TAOK1: variants seen among roughly 807,000 people sequenced by gnomAD.
TAOK1 encodes TAO kinase 1, also known as serine/threonine-protein kinase TAO1.
In TAOK1, 21 loss-of-function variants were observed where a neutral mutation model predicts 138.3. The ratio of observed to expected loss-of-function variants is 0.15; its 90% CI spans 0.11 to 0.22. TAOK1 has a LOEUF of 0.22. TAOK1 is among the 10% of genes least tolerant of loss of function. TAOK1 has a pLI of 1.00. For missense variants in TAOK1, 651 were observed against 1,227.7 expected (o/e 0.53, Z 7.02); for synonymous variants, 361 against 398.4 (o/e 0.91, Z 1.12).
At chr17:29,434,723 G>A (rs1028712275) in intron 1 of TAOK1, among the ~76,000 whole-genome samples, 5 of 152,168 alleles carry the variant, frequency 3.3e-5, no homozygotes, top group Non-Finnish European at 7.4e-5. Flanking sequence ...GAAACAGGAA[G>A]CTTGGAGTTG....
rs139686543 is a variant in TAOK1 at position 29,503,657 on chromosome 17, A to G, written c.1338+934A>G. ...TACAACGAAATTACATTAAGATACC[A>G]TAAGAAAAGTAGGCTATTAGAAAAC... On this transcript the variant is annotated intron_variant, in intron 13 of 19. Transcript: ENST00000261716. Among the ~76,000 whole-genome samples, 290 of 152,274 alleles carry G rather than the reference A, an allele frequency of 1.9e-3. 1 individual carries two copies. The highest frequency in any genetic ancestry group is 6.4e-3 in the African/African-American group (265 of 41,550).
intron 1 of TAOK1, among the ~76,000 whole-genome samples, chr17:29,447,887 C>T (rs1005654954): frequency 1.3e-5 from 2 of 150,000 alleles, no homozygotes; most frequent in Admixed American, 6.7e-5. Flanking sequence ...AACTTCTGAC[C>T]TCAGGTGACC....
intron 1 of TAOK1, among the ~76,000 whole-genome samples, chr17:29,405,851 A>G (rs7213208): frequency 0.42 from 64,266 of 152,036 alleles, 14,744 homozygotes; most frequent in East Asian, 0.88. Context: ...CAGCAATGAC[A>G]TACGTATTTC....
chr17:29,482,132 A>G, intron 7 of TAOK1, 65 bp from the exon 8 acceptor site: 1 of 1,194,396 alleles, frequency 8.4e-7, no homozygotes, highest in Middle Eastern at 2.7e-4. Context: ...GATGACTGTT[A>G]CATTCTCAAA....
At chr17:29,436,211 A>G (rs1906026151) in intron 1 of TAOK1, among the ~76,000 whole-genome samples, 1 of 152,224 alleles carries the variant, frequency 6.6e-6, no homozygotes, top group Admixed American at 6.6e-5. Context: ...TTCAAATTTT[A>G]GAGGCACCAG....
At chr17:29,421,608 T>G (rs1235971266) in intron 1 of TAOK1, among the ~76,000 whole-genome samples, 1 of 152,158 alleles carries the variant, frequency 6.6e-6, no homozygotes, top group Non-Finnish European at 1.5e-5. Context: ...GTAAGTTAGG[T>G]TATCTTTTTT....
At chr17:29,462,369 ATAG>A (rs1368396671) in intron 2 of TAOK1, among the ~76,000 whole-genome samples, 1 of 152,222 alleles carries the variant, frequency 6.6e-6, no homozygotes, top group Non-Finnish European at 1.5e-5. Context: ...AACACCTTAA[ATAG>A]AACCAATGTG....
intron 2 of TAOK1, among the ~76,000 whole-genome samples, chr17:29,458,153 A>C (rs1277493072): frequency 6.6e-6 from 1 of 151,974 alleles, no homozygotes; most frequent in Non-Finnish European, 1.5e-5. Context: ...TGATTACTCC[A>C]CAGTTTGTTT....
chr17:29,492,636 A>G (rs556696723), intron 10 of TAOK1, among the ~76,000 whole-genome samples: 2 of 152,048 alleles, frequency 1.3e-5, no homozygotes, highest in Admixed American at 1.3e-4. Flanking sequence ...TACTGAAAAT[A>G]CAAAAATTAG....
rs555104841 is a variant in TAOK1, at chr17:29,396,990, C to CA, written c.-95+5987dup. Among the ~76,000 whole-genome samples, 212 of 69,386 alleles carry CA rather than the reference C, an allele frequency of 3.1e-3. 3 individuals are homozygous for CA. The highest frequency in any genetic ancestry group is 4.1e-3 in the African/African-American group (61 of 14,734). The allele number at this position is 69,386 out of a possible 152,430, so 45.5% of individuals were successfully genotyped here. A position where few individuals can be genotyped will look rare whatever the true frequency, so the allele number is the denominator to read the frequency against. On this transcript the variant is annotated intron_variant, in intron 1 of 19. Coordinates refer to ENST00000261716, the MANE Select transcript of TAOK1 (RefSeq NM_020791.4). ...TGGGCAACAGAGTACAACTCTGTCT[C>CA]AAAAAAAAAAAAAAAAAAAAAGGGC...
intron 13 of TAOK1, among the ~76,000 whole-genome samples, chr17:29,504,794 A>G (rs1411589890): frequency 2.6e-5 from 4 of 152,250 alleles, no homozygotes; most frequent in Admixed American, 6.5e-5. Context: ...TCATGAATCT[A>G]TATGACATGT....
chr17:29,529,168 C>T (rs2032062753), intron 17 of TAOK1, among the ~76,000 whole-genome samples: 1 of 152,050 alleles, frequency 6.6e-6, no homozygotes, highest in Non-Finnish European at 1.5e-5. Flanking sequence ...GAAATGGGGT[C>T]TCACTATGTT....
rs139463267 is a variant in TAOK1, at chr17:29,516,826, T to G, written c.1705-627T>G. Among the ~76,000 whole-genome samples the G allele has an allele frequency of 1.5e-3, 221 of 151,536 alleles. 1 individual carries two copies. The highest frequency in any genetic ancestry group is 4.9e-3 in the African/African-American group (204 of 41,298). ...CCTGTTTTTTTTGTTGTTGTTGTTG[T>G]TGGTTTTTTTGTTTTGTTTTGTTTT... On this transcript the variant is annotated intron_variant, in intron 15 of 19. Transcript: ENST00000261716.
intron 8 of TAOK1, among the ~76,000 whole-genome samples, chr17:29,486,522 A>C (rs1231425497): frequency 3.3e-5 from 5 of 151,888 alleles, no homozygotes; most frequent in Non-Finnish European, 7.4e-5. Context: ...AATCCCAGCT[A>C]CTTGGGAGAC....
In TAOK1 at chr17:29,526,330, C is replaced by A. The variant is rs536379909; in HGVS notation, c.2148+3811C>A. On this transcript the variant is annotated intron_variant, in intron 17 of 19. Coordinates refer to ENST00000261716, the MANE Select transcript of TAOK1 (RefSeq NM_020791.4). ...ATAAAGCCTTTTAAAAGAATGGATG[C>A]TATTTTACTGAGGCAGAAGATACTA... Among the ~76,000 whole-genome samples, 8 of 152,232 alleles carry A rather than the reference C, an allele frequency of 5.3e-5. 1 individual carries two copies. The highest frequency in any genetic ancestry group is 1.2e-4 in the Non-Finnish European group (8 of 68,006).
Position 29,395,961 on chromosome 17 carries a change from C to T in TAOK1, c.-95+4937C>T, listed in dbSNP as rs947853213. ...GAGATTACAGACATGAGCCACTGCA[C>T]CCGGCCCGATTTCCGTACTTACTAT... On this transcript the variant is annotated intron_variant, in intron 1 of 19. Coordinates refer to ENST00000261716, the MANE Select transcript of TAOK1 (RefSeq NM_020791.4). Among the ~76,000 whole-genome samples, 4 of 151,398 alleles carry T rather than the reference C, an allele frequency of 2.6e-5. No homozygotes were observed. In the East Asian group the frequency reaches 7.7e-4, roughly 29 times the overall value.
At chr17:29,409,483 C>G (rs986474665) in intron 1 of TAOK1, among the ~76,000 whole-genome samples, 1 of 151,240 alleles carries the variant, frequency 6.6e-6, no homozygotes, top group Non-Finnish European at 1.5e-5. Flanking sequence ...TACAGGCGTC[C>G]GCACCATATC....
At chr17:29,405,199 G>A (rs1297176439) in intron 1 of TAOK1, among the ~76,000 whole-genome samples, 2 of 152,066 alleles carry the variant, frequency 1.3e-5, no homozygotes, top group Non-Finnish European at 2.9e-5. Flanking sequence ...TGTTGGTCAG[G>A]CTAGTCTCAA....
intron 1 of TAOK1, among the ~76,000 whole-genome samples, chr17:29,408,157 T>C (rs1455051653): frequency 6.6e-6 from 1 of 151,910 alleles, no homozygotes; most frequent in Non-Finnish European, 1.5e-5. Context: ...GCTCAAGTGA[T>C]ACTCCTGCCT....
Sources: gnomAD v4.1 joint callset for allele counts (sites outside exome capture counted in the v4.1 genomes callset) on GRCh38, gnomAD v4.1.1 for gene constraint, MANE v1.5 for transcripts, NCBI Gene and HGNC (gene_info 2026-07-23, HGNC 2026-07-21) for gene names.